CDK13: variants seen among roughly 807,000 people sequenced by gnomAD.
CDK13 encodes cyclin-dependent kinase 13.
CDK13 carries 40 observed loss-of-function variants against 137.6 expected under a neutral mutation model. The observed-to-expected ratio is 0.29, with a 90% CI of 0.23 to 0.38. The LOEUF is 0.38. Ranked by LOEUF, CDK13 falls within the 10% of genes least tolerant of loss-of-function variation. The probability of loss-of-function intolerance (pLI) is 1.00; values close to 1 mark genes in which losing one functional copy is unlikely to be tolerated. For missense variants in CDK13, 1,704 were observed against 1,951.8 expected, an observed-to-expected ratio of 0.87 and a Z score of 2.39; for synonymous variants, 869 against 760.1, an observed-to-expected ratio of 1.14 and a Z score of -2.36.
At chr7:39,980,481 C>T (rs972679466) in intron 1 of CDK13, among the ~76,000 whole-genome samples, 1 of 152,146 alleles carries the variant, frequency 6.6e-6, no homozygotes, top group Non-Finnish European at 1.5e-5. Context: ...AGGATCATCA[C>T]TTTATATAGT....
At chr7:39,981,369 T>G (rs1298703978) in intron 1 of CDK13, among the ~76,000 whole-genome samples, 1 of 139,604 alleles carries the variant, frequency 7.2e-6, no homozygotes, top group Non-Finnish European at 1.5e-5. Context: ...AGACCCTGTC[T>G]TAAAAAAAAA....
At chr7:40,052,305 T>C (rs1478577539) in intron 7 of CDK13, among the ~76,000 whole-genome samples, 1 of 152,060 alleles carries the variant, frequency 6.6e-6, no homozygotes, top group South Asian at 2.1e-4. Flanking sequence ...GCCTCCTGAG[T>C]AGATGGGATT....
chr7:39,982,168 C>A (rs1784241379), intron 1 of CDK13, among the ~76,000 whole-genome samples: 1 of 146,102 alleles, frequency 6.8e-6, no homozygotes, highest in African/African-American at 2.6e-5. Context: ...CTCCCCCCTC[C>A]CCCTACCCCA....
chr7:39,961,781 C>T (rs1167042879), intron 1 of CDK13, among the ~76,000 whole-genome samples: 1 of 152,050 alleles, frequency 6.6e-6, no homozygotes, highest in African/African-American at 2.4e-5. Flanking sequence ...TGCTATCCCT[C>T]CTCCCTCCCC....
At chr7:39,970,675 G>A (rs1268742106) in intron 1 of CDK13, among the ~76,000 whole-genome samples, 1 of 151,930 alleles carries the variant, frequency 6.6e-6, no homozygotes, top group Non-Finnish European at 1.5e-5. Context: ...TGGCCAGGCT[G>A]GTCTTGAACT....
intron 2 of CDK13, among the ~76,000 whole-genome samples, chr7:39,992,159 T>TG (rs1209104769): frequency 5.2e-5 from 4 of 76,956 alleles, no homozygotes; most frequent in Non-Finnish European, 2.9e-5. Flanking sequence ...AGAGAACTAA[T>TG]GAGGGTGTGT....
rs1191653890 is a variant in CDK13, at chr7:40,099,518, T to A, written c.*4538T>A. On this transcript the variant is annotated 3_prime_UTR_variant, in exon 14 of 14. Coordinates refer to ENST00000181839, the MANE Select transcript of CDK13 (RefSeq NM_003718.5). ...CTAATGTATTAATATAAGCCATTTG[T>A]TTTTTACCATTTTTTTAAGGCCGTA... The A allele has an allele frequency of 6.6e-6, 1 of 152,138 alleles. No homozygotes were observed. Among genetic ancestry groups the A allele is most frequent in the African/African-American group, 2.4e-5 (1 of 41,422 alleles). The allele number at this position is 152,138 out of a possible 1,614,324, so 9.4% of individuals were successfully genotyped here. A position where few individuals can be genotyped will look rare whatever the true frequency, so the allele number is the denominator to read the frequency against.
At chr7:40,017,017 A>AT (rs965619194) in intron 5 of CDK13, among the ~76,000 whole-genome samples, 2 of 152,094 alleles carry the variant, frequency 1.3e-5, no homozygotes, top group Admixed American at 6.6e-5. Flanking sequence ...GTTTCCACAA[A>AT]TTTTTTGTGC....
chr7:40,087,521 AG>A (rs1205970864), intron 11 of CDK13, among the ~76,000 whole-genome samples: 4 of 150,030 alleles, frequency 2.7e-5, no homozygotes, highest in Non-Finnish European at 5.9e-5. Context: ...TGACTTTGAA[AG>A]GTTGCACCAA....
chr7:39,964,129 C>T (rs1465252101), intron 1 of CDK13, among the ~76,000 whole-genome samples: 5 of 152,130 alleles, frequency 3.3e-5, no homozygotes, highest in Non-Finnish European at 5.9e-5. Flanking sequence ...TGATGCTGGC[C>T]TCATAAAATG....
At chr7:39,973,550 C>A (rs535639269) in intron 1 of CDK13, among the ~76,000 whole-genome samples, 1 of 152,210 alleles carries the variant, frequency 6.6e-6, no homozygotes, top group African/African-American at 2.4e-5. Flanking sequence ...CAAATAATTT[C>A]TTTCATTCTA....
chr7:40,008,549 G>T (rs1784837993), intron 5 of CDK13, among the ~76,000 whole-genome samples: 1 of 152,170 alleles, frequency 6.6e-6, no homozygotes, highest in Non-Finnish European at 1.5e-5. Context: ...GTAATTGTTG[G>T]AATTTCAGTT....
At chr7:40,063,684 G>C (rs1157958761) in intron 9 of CDK13, among the ~76,000 whole-genome samples, 1 of 151,614 alleles carries the variant, frequency 6.6e-6, no homozygotes, top group Non-Finnish European at 1.5e-5. Flanking sequence ...TTGAGATAGA[G>C]TCTCACTCTG....
chr7:39,952,385 T>A (rs1787255102), intron 1 of CDK13: 1 of 152,300 alleles, frequency 6.6e-6, no homozygotes, highest in African/African-American at 2.4e-5. Flanking sequence ...TCTGTAAAGT[T>A]TATTCTTTTA....
chr7:40,064,901 C>T (rs1397927725), intron 9 of CDK13, among the ~76,000 whole-genome samples: 1 of 148,688 alleles, frequency 6.7e-6, no homozygotes, highest in African/African-American at 2.5e-5. Flanking sequence ...AAACAATCCT[C>T]CTGCCTCAGC....
intron 11 of CDK13, among the ~76,000 whole-genome samples, chr7:40,082,236 C>G (rs1025212138): frequency 2.0e-5 from 3 of 152,024 alleles, no homozygotes; most frequent in Non-Finnish European, 4.4e-5. Context: ...CGCCTGTAAT[C>G]CCAGCACTTT....
At chr7:40,052,852 C>G (rs556319595) in intron 7 of CDK13, among the ~76,000 whole-genome samples, 1 of 152,154 alleles carries the variant, frequency 6.6e-6, no homozygotes. Context: ...AGAAGGTGAT[C>G]TTCATCTGGA....
chr7:40,092,599 T>C (rs1389146772), intron 12 of CDK13, 186 bp from the exon 13 acceptor site: 1 of 555,150 alleles, frequency 1.8e-6, no homozygotes, highest in African/African-American at 1.9e-5. Context: ...TGCAGTTCTT[T>C]TTATGTACAG....
intron 5 of CDK13, among the ~76,000 whole-genome samples, chr7:40,031,906 C>T (rs1331409252): frequency 6.6e-6 from 1 of 150,684 alleles, no homozygotes; most frequent in African/African-American, 2.4e-5. Flanking sequence ...AGGGTAGTCT[C>T]CAACTCCTGC....
Sources: gnomAD v4.1 joint callset for allele counts (sites outside exome capture counted in the v4.1 genomes callset) on GRCh38, gnomAD v4.1.1 for gene constraint, MANE v1.5 for transcripts, NCBI Gene and HGNC (gene_info 2026-07-23, HGNC 2026-07-21) for gene names.